Variants in RPH3AL observed in about 807,000 individuals in gnomAD.
RPH3AL encodes rabphilin 3A like (without C2 domains), also known as rab effector Noc2.
Under a neutral mutation model 43.1 loss-of-function variants are expected in RPH3AL, and 38 were observed. That is an observed-to-expected ratio of 0.88 (90% confidence interval 0.68 to 1.15). The LOEUF is 1.15. Among genes scored for constraint, RPH3AL ranks in the 50% most tolerant of loss-of-function variants. RPH3AL has a pLI of 0.00. For synonymous variants in RPH3AL, 189 were observed against 176.3 expected, an observed-to-expected ratio of 1.07 and a Z score of -0.57; for missense variants, 462 against 423.2, an observed-to-expected ratio of 1.09 and a Z score of -0.81.
chr17:241,711 CTTTTTTTTTCTTTTT>C (rs2041539482), intron 7 of RPH3AL, among the ~76,000 whole-genome samples: 1 of 92,766 alleles, frequency 1.1e-5, no homozygotes, highest in Non-Finnish European at 2.2e-5. Flanking sequence ...GTTTCTTTTT[CTTTTTTTTTCTTTTT>C]TTTTTTTTTT....
At chr17:230,080 C>T (rs570429498) in intron 7 of RPH3AL, among the ~76,000 whole-genome samples, 1 of 152,304 alleles carries the variant, frequency 6.6e-6, no homozygotes, top group East Asian at 1.9e-4. Context: ...CCCTTCCAGG[C>T]TGCCATGGAA....
At chr17:301,200 A>G (rs999784595) in intron 5 of RPH3AL, among the ~76,000 whole-genome samples, 12 of 152,228 alleles carry the variant, frequency 7.9e-5, no homozygotes, top group Non-Finnish European at 1.8e-4. Flanking sequence ...ACCTCATTTC[A>G]TCGGCCACCT....
intron 7 of RPH3AL, among the ~76,000 whole-genome samples, chr17:233,988 TA>T: frequency 2.5e-5 from 2 of 79,636 alleles, no homozygotes; most frequent in Non-Finnish European, 2.4e-5. Context: ...AGCGGCTACT[TA>T]CCCTGACCAA....
intron 7 of RPH3AL, among the ~76,000 whole-genome samples, chr17:226,728 C>A (rs370832781): frequency 2.0e-5 from 3 of 152,198 alleles, no homozygotes; most frequent in South Asian, 4.1e-4. Context: ...ACTCAAACTT[C>A]GGCTAATTTG....
intron 6 of RPH3AL, among the ~76,000 whole-genome samples, chr17:277,456 A>C (rs1026249789): frequency 2.6e-5 from 4 of 152,210 alleles, no homozygotes; most frequent in Non-Finnish European, 5.9e-5. Context: ...AAAAATGAAA[A>C]CTTCCAAAGG....
Position 215,674 on chromosome 17 carries a change from C to A in RPH3AL, c.856G>T (p.Gly286Trp). 1 of 1,277,186 alleles carries A rather than the reference C, an allele frequency of 7.8e-7. No individual in the cohort carries two copies. The allele number at this position is 1,277,186 out of a possible 1,614,324, so 79.1% of individuals were successfully genotyped here. The change falls in exon 9 of 10, where the codon GGG becomes TGG. Residue 286 changes from glycine to tryptophan, a missense_variant. Transcript: ENST00000331302. This position sits in a 1 kb window ranked among gnomAD's most constrained non-coding sequence, Gnocchi z 4.1. ...SADPPGGPRP[G>W]LTRRAPVKDT... ...CTCACCGGGGCCCTTCGGGTCAGCC[C>A]GGGGCGGGGTCCCCCTGGCGGGTCA... is the stretch of plus-strand genomic sequence containing the variant.
chr17:273,318 G>A (rs1444526456), intron 6 of RPH3AL, among the ~76,000 whole-genome samples: 3 of 98,014 alleles, frequency 3.1e-5, no homozygotes, highest in African/African-American at 1.1e-4. Context: ...CCCCAGCGAG[G>A]GTGATGTCAG....
rs139497893 is a variant in RPH3AL at position 344,824 on chromosome 17, T to C, written c.-213+7888A>G. ...ACATTGTCACCATCAGTCATCACTATTCTCATCATCATCCTCTTCTGTATT... is the reference window on the plus strand; with the variant it reads ...ACATTGTCACCATCAGTCATCACTACTCTCATCATCATCCTCTTCTGTATT... On this transcript the variant is annotated intron_variant, in intron 1 of 9. Coordinates refer to ENST00000331302, the MANE Select transcript of RPH3AL (RefSeq NM_006987.4). Among the ~76,000 whole-genome samples, 29 of 136,066 alleles carry C rather than the reference T, an allele frequency of 2.1e-4. 4 individuals are homozygous for C. The highest frequency in any genetic ancestry group is 4.0e-3 in the Middle Eastern group (1 of 248). The allele number at this position is 136,066 out of a possible 152,430, so 89.3% of individuals were successfully genotyped here.
At chr17:327,687 T>C in intron 2 of RPH3AL, 108 bp from the exon 3 acceptor site, 1 of 653,272 alleles carries the variant, frequency 1.5e-6, no homozygotes, top group Non-Finnish European at 2.7e-6. Context: ...CCATGCACGA[T>C]CCCCACTGAT....
chr17:351,085 G>A (rs1054143772), intron 1 of RPH3AL, among the ~76,000 whole-genome samples: 4 of 151,928 alleles, frequency 2.6e-5, no homozygotes, highest in East Asian at 1.9e-4. Context: ...CATCACCCAC[G>A]GCCTCCCCAC....
chr17:337,515 C>G (rs2044992114), intron 1 of RPH3AL, among the ~76,000 whole-genome samples: 1 of 152,236 alleles, frequency 6.6e-6, no homozygotes, highest in Non-Finnish European at 1.5e-5. Flanking sequence ...GACCCTCCAG[C>G]CCCTGCTAAG....
chr17:299,355 C>T (rs1277906685), intron 5 of RPH3AL, among the ~76,000 whole-genome samples: 1 of 152,150 alleles, frequency 6.6e-6, no homozygotes, highest in African/African-American at 2.4e-5. Context: ...CCCCTCCCTC[C>T]CTCCCTCCCA....
intron 7 of RPH3AL, among the ~76,000 whole-genome samples, chr17:234,765 T>A (rs1308470191): frequency 6.6e-6 from 1 of 152,022 alleles, no homozygotes; most frequent in East Asian, 1.9e-4. Context: ...AAATGGCAAA[T>A]CCAGAGTCTG....
chr17:240,921 G>A (rs1233259802), intron 7 of RPH3AL, among the ~76,000 whole-genome samples: 2 of 152,008 alleles, frequency 1.3e-5, no homozygotes, highest in Non-Finnish European at 2.9e-5. Context: ...AGCTCGGCGT[G>A]TAGCGGGCGC....
chr17:351,867 C>A (rs1307801694), intron 1 of RPH3AL, among the ~76,000 whole-genome samples: 16 of 152,142 alleles, frequency 1.1e-4, no homozygotes, highest in Non-Finnish European at 1.5e-5. Context: ...TTTTTAAATG[C>A]TTGTCCATGT....
At chr17:224,427 C>T (rs80290883) in intron 7 of RPH3AL, among the ~76,000 whole-genome samples, 19 of 152,356 alleles carry the variant, frequency 1.2e-4, no homozygotes, top group East Asian at 7.7e-4. Flanking sequence ...CCTGCCCACC[C>T]GTCTTCTCTT....
intron 6 of RPH3AL, among the ~76,000 whole-genome samples, chr17:258,956 C>A (rs1303314578): frequency 6.6e-6 from 1 of 151,688 alleles, no homozygotes; most frequent in African/African-American, 2.4e-5. Context: ...ATCAAAAAAG[C>A]CCGTCAACTT....
intron 5 of RPH3AL, among the ~76,000 whole-genome samples, chr17:316,648 C>T (rs1216301202): frequency 0.084 from 524 of 6,262 alleles, no homozygotes; most frequent in Admixed American, 0.16. Context: ...CATTGACCTG[C>T]AGTGCCTGTG....
At position 253,703 on chromosome 17, in the gene RPH3AL, G is replaced by C. The variant is rs372204467; in HGVS notation, c.439-6418C>G. On this transcript the variant is annotated intron_variant, in intron 6 of 9. Transcript: ENST00000331302. ...TACTACCCTACGTACTTCCTATGAG[G>C]GGAGCCGCACGGCGTCTGTCCTTTT... 6.2e-4 allele frequency among the ~76,000 whole-genome samples: 85 copies of C among 136,336 alleles called. 3 individuals carry two copies. In the East Asian group the frequency reaches 0.013, roughly 20 times the overall value. 89.4% of individuals were successfully genotyped at this position (136,336 alleles called of 152,430 possible).
Sources: gnomAD v4.1 joint callset for allele counts (sites outside exome capture counted in the v4.1 genomes callset) on GRCh38, gnomAD v4.1.1 for gene constraint, Gnocchi (gnomAD v3.1) non-coding constraint, MANE v1.5 for transcripts, NCBI Gene and HGNC (gene_info 2026-07-23, HGNC 2026-07-21) for gene names.